Variants in KCNN2 observed in about 807,000 individuals in gnomAD.
KCNN2 encodes the protein small conductance calcium-activated potassium channel protein 2.
In KCNN2, 24 loss-of-function variants were observed where a neutral mutation model predicts 55.5. The observed-to-expected ratio is 0.43, with a 90% CI of 0.31 to 0.61. The LOEUF (loss-of-function observed/expected upper bound fraction) is 0.61. Ranked by LOEUF, KCNN2 falls within the 20% of genes least tolerant of loss-of-function variation. The probability of loss-of-function intolerance (pLI) is 0.08; values close to 1 mark genes in which losing one functional copy is unlikely to be tolerated. For missense variants in KCNN2, 754 were observed against 853.6 expected (o/e 0.88, Z 1.45); for synonymous variants, 431 against 336.1 (o/e 1.28, Z -3.09).
intron 1 of KCNN2, among the ~76,000 whole-genome samples, chr5:114,097,723 A>G (rs1412884334): frequency 1.3e-5 from 2 of 152,076 alleles, no homozygotes; most frequent in Non-Finnish European, 2.9e-5. Flanking sequence ...CTTTGATTAG[A>G]ACTTCTATTC....
At chr5:114,380,457 G>T (rs142961000) in intron 2 of KCNN2, among the ~76,000 whole-genome samples, 1 of 152,260 alleles carries the variant, frequency 6.6e-6, no homozygotes, top group Non-Finnish European at 1.5e-5. Flanking sequence ...AAGAGAAAGG[G>T]ATCGTGATTC....
At chr5:114,477,035 T>G (rs1007666522) in intron 5 of KCNN2, among the ~76,000 whole-genome samples, 9 of 152,132 alleles carry the variant, frequency 5.9e-5, no homozygotes, top group Admixed American at 5.2e-4. Context: ...TGTGAATAAT[T>G]AAAAGTAAAT....
At chr5:114,129,186 C>A (rs1311935119) in intron 1 of KCNN2, among the ~76,000 whole-genome samples, 1 of 152,128 alleles carries the variant, frequency 6.6e-6, no homozygotes, top group Non-Finnish European at 1.5e-5. Context: ...ATAGGTTCCC[C>A]ACCCCTTACT....
At chr5:114,427,795 C>G (rs1159210039) in intron 3 of KCNN2, among the ~76,000 whole-genome samples, 1 of 152,128 alleles carries the variant, frequency 6.6e-6, no homozygotes, top group Non-Finnish European at 1.5e-5. Flanking sequence ...CCTTTGGAAG[C>G]TAAGTGTTTT....
chr5:114,294,401 C>G (rs1394676114), intron 2 of KCNN2, among the ~76,000 whole-genome samples: 3 of 152,028 alleles, frequency 2.0e-5, no homozygotes, highest in Non-Finnish European at 4.4e-5. Context: ...TGTCTTTGTT[C>G]TCGTTGGTTT....
At chr5:114,183,755 G>C (rs1753280709) in intron 1 of KCNN2, among the ~76,000 whole-genome samples, 1 of 150,772 alleles carries the variant, frequency 6.6e-6, no homozygotes. Flanking sequence ...AACTTGATCA[G>C]ACTAGTTAGG....
At chr5:114,140,784 A>ATTATTATTC (rs1297276442) in intron 1 of KCNN2, among the ~76,000 whole-genome samples, 1 of 147,282 alleles carries the variant, frequency 6.8e-6, no homozygotes, top group Admixed American at 6.8e-5. Context: ...TATTATTATT[A>ATTATTATTC]TTATTATTAT....
chr5:114,306,349 G>C (rs1182483905), intron 2 of KCNN2, among the ~76,000 whole-genome samples: 1 of 152,186 alleles, frequency 6.6e-6, no homozygotes, highest in African/African-American at 2.4e-5. Flanking sequence ...GTATCATGCT[G>C]TATCTGGTTT....
intron 1 of KCNN2, among the ~76,000 whole-genome samples, chr5:114,133,203 A>T (rs1004454606): frequency 2.0e-5 from 3 of 149,344 alleles, no homozygotes; most frequent in African/African-American, 7.3e-5. Flanking sequence ...TTCCCATCAG[A>T]TTTTTTTTTT....
Position 114,272,329 on chromosome 5 carries a change from C to CAT in KCNN2, c.-185+50768_-185+50769dup, listed in dbSNP as rs1362141994. ...TCACACACACACATATATGTATGTACATATACACACATATATGTATGTACA... is the reference window on the plus strand; with the variant it reads ...TCACACACACACATATATGTATGTACATATATACACACATATATGTATGTACA... On this transcript the variant is annotated intron_variant, in intron 2 of 10. Transcript: ENST00000512097. 1.1e-4 allele frequency among the ~76,000 whole-genome samples: 13 copies of CAT among 118,660 alleles called. 1 individual carries two copies. Among genetic ancestry groups the CAT allele is most frequent in the East Asian group, 4.6e-4 (2 of 4,322 alleles). 77.8% of individuals were successfully genotyped at this position (118,660 alleles called of 152,430 possible).
chr5:114,069,493 A>G (rs1056128123), intron 1 of KCNN2, among the ~76,000 whole-genome samples: 1 of 152,158 alleles, frequency 6.6e-6, no homozygotes, highest in African/African-American at 2.4e-5. Flanking sequence ...CTTTTAAACC[A>G]TTTGGGGCTC....
intron 2 of KCNN2, among the ~76,000 whole-genome samples, chr5:114,354,045 A>C (rs1757256873): frequency 6.6e-6 from 1 of 151,386 alleles, no homozygotes; most frequent in Non-Finnish European, 1.5e-5. Context: ...CTTCCATTTC[A>C]TGTCTCTTGG....
At chr5:114,406,867 A>G (rs1758951924) in intron 3 of KCNN2, among the ~76,000 whole-genome samples, 1 of 151,978 alleles carries the variant, frequency 6.6e-6, no homozygotes, top group Non-Finnish European at 1.5e-5. Context: ...TATAAGAGAG[A>G]TATTTTTGAG....
intron 6 of KCNN2, 77 bp downstream of exon 6, chr5:114,487,254 A>T (rs1448593415): frequency 3.8e-6 from 5 of 1,325,438 alleles, no homozygotes; most frequent in Non-Finnish European, 5.3e-6. Context: ...TTCTTGTTTC[A>T]TAAGGAAGGA....
At chr5:114,436,377 A>T (rs1760004422) in intron 3 of KCNN2, among the ~76,000 whole-genome samples, 1 of 152,182 alleles carries the variant, frequency 6.6e-6, no homozygotes, top group South Asian at 2.1e-4. Context: ...AGTTCAACTG[A>T]TTCTTTTTGT....
intron 2 of KCNN2, among the ~76,000 whole-genome samples, chr5:114,227,885 TAGGTGAATATATGTTGGAACATAGA>T (rs1754270926): frequency 1.3e-5 from 2 of 151,992 alleles, no homozygotes; most frequent in South Asian, 4.1e-4. Flanking sequence ...ATATATATAG[TAGGTGAATATATGTTGGAACATAGA>T]AGGTGAATAT....
chr5:114,219,327 A>T (rs566482539), intron 1 of KCNN2, among the ~76,000 whole-genome samples: 2 of 152,328 alleles, frequency 1.3e-5, no homozygotes, highest in South Asian at 4.1e-4. Flanking sequence ...ATCTGCACTC[A>T]TGGCTCCCAA....
At position 114,362,450 on chromosome 5, in the gene KCNN2, C is replaced by T. The variant is rs1757457748; in HGVS notation, c.311C>T (p.Ser104Phe). 3 of 401,290 alleles carry T rather than the reference C, an allele frequency of 7.5e-6. No individual in the cohort carries two copies. Among genetic ancestry groups the T allele is most frequent in the African/African-American group, 4.2e-5 (2 of 47,360 alleles). 24.9% of individuals were successfully genotyped at this position (401,290 alleles called of 1,614,324 possible). A position where few individuals can be genotyped will look rare whatever the true frequency, so the allele number is the denominator to read the frequency against. The change falls in exon 1 of 8, where the codon TCC (serine) becomes TTC (phenylalanine). Residue 104 changes from serine to phenylalanine, a missense_variant. This residue lies in a region of KCNN2 where 381 missense variants were observed against 259.1 expected (regional missense o/e 1.47). Transcript: ENST00000673685. ...SPGGAFRTRT[S>F]SPLSGSSCCC... is the part of the protein sequence containing the mutation. Reference sequence around the variant, plus strand: ...GGCGGCGCCTTCCGGACCCGCACCTCCTCGCCGCTGTCGGGCTCGTCCTGC... The same window carrying T: ...GGCGGCGCCTTCCGGACCCGCACCTTCTCGCCGCTGTCGGGCTCGTCCTGC...
intron 2 of KCNN2, among the ~76,000 whole-genome samples, chr5:114,284,521 T>C (rs1755695604): frequency 1.3e-5 from 2 of 152,166 alleles, no homozygotes; most frequent in Admixed American, 1.3e-4. Context: ...TCTCCATTTT[T>C]TCTTTTTTTG....
Sources: allele counts gnomAD v4.1 joint callset (sites outside exome capture counted in the v4.1 genomes callset), GRCh38; gene constraint gnomAD v4.1.1; regional missense constraint gnomAD v4.1.1; transcripts MANE v1.5; gene names NCBI Gene and HGNC (gene_info 2026-07-23, HGNC 2026-07-21).